LRP1B: variants seen among roughly 807,000 people sequenced by gnomAD.
LRP1B encodes the protein low-density lipoprotein receptor-related protein 1B.
In LRP1B, 217 loss-of-function variants were observed where a neutral mutation model predicts 556.6. The observed-to-expected ratio is 0.39, with a 90% CI of 0.35 to 0.44. The LOEUF is 0.44. Ranked by LOEUF, LRP1B falls within the 20% of genes least tolerant of loss-of-function variation. LRP1B has a pLI of 1.00. For missense variants in LRP1B, 5,053 were observed against 5,620.8 expected (o/e 0.90, Z 3.23); for synonymous variants, 2,047 against 1,865.8 (o/e 1.10, Z -2.50).
At chr2:140,439,425 T>G (rs1686329818) in intron 66 of LRP1B, among the ~76,000 whole-genome samples, 1 of 152,280 alleles carries the variant, frequency 6.6e-6, no homozygotes, top group East Asian at 1.9e-4. Context: ...AGTGATTTTA[T>G]ATGAACTATT....
At chr2:140,273,902 T>C (rs2104950603) in intron 85 of LRP1B, among the ~76,000 whole-genome samples, 1 of 152,138 alleles carries the variant, frequency 6.6e-6, no homozygotes, top group South Asian at 2.1e-4. Flanking sequence ...TTTGTTTTAC[T>C]TATTTCCCAG....
chr2:140,455,111 C>T (rs6730266), intron 62 of LRP1B, among the ~76,000 whole-genome samples: 19,899 of 152,104 alleles, frequency 0.13, 1,476 homozygotes, highest in African/African-American at 0.17. Context: ...TATTAAAAAA[C>T]GTGATTTCTC....
At chr2:141,411,706 A>C (rs1690858844) in intron 3 of LRP1B, among the ~76,000 whole-genome samples, 2 of 152,088 alleles carry the variant, frequency 1.3e-5, no homozygotes, top group Admixed American at 1.3e-4. Context: ...CTTTCATCTG[A>C]CTTCCTCTGA....
intron 2 of LRP1B, among the ~76,000 whole-genome samples, chr2:141,527,300 T>G (rs1264176701): frequency 6.6e-6 from 1 of 152,046 alleles, no homozygotes; most frequent in African/African-American, 2.4e-5. Context: ...CAAGGCAGGT[T>G]TTGTTATTTA....
At chr2:140,983,563 C>A (rs1360631874) in intron 17 of LRP1B, among the ~76,000 whole-genome samples, 1 of 152,040 alleles carries the variant, frequency 6.6e-6, no homozygotes, top group East Asian at 1.9e-4. Flanking sequence ...AAAATAATTT[C>A]TTAAAAGATA....
intron 7 of LRP1B, among the ~76,000 whole-genome samples, chr2:141,150,242 A>C (rs1457004607): frequency 6.6e-6 from 1 of 152,214 alleles, no homozygotes; most frequent in Non-Finnish European, 1.5e-5. Context: ...CACACTTGTC[A>C]GTGCTCTTAA....
Position 140,858,576 on chromosome 2 carries a change from CTTTCTT to C in LRP1B, c.4580-6799_4580-6794del, listed in dbSNP as rs1258872599. ...TAATTTATATGACAAGTAGTTAGAT[CTTTCTT>C]TTTCTTTTTAAGTTCCAGGGTACAT... On this transcript the variant is annotated intron_variant, in intron 27 of 90. Coordinates refer to ENST00000389484, the MANE Select transcript of LRP1B (RefSeq NM_018557.3). Among the ~76,000 whole-genome samples, 14 of 149,614 alleles carry C rather than the reference CTTTCTT, an allele frequency of 9.4e-5. 1 individual carries two copies. The highest frequency in any genetic ancestry group is 6.4e-4 in the South Asian group (3 of 4,698).
chr2:140,787,656 C>T (rs1689956328), intron 32 of LRP1B, among the ~76,000 whole-genome samples: 1 of 144,810 alleles, frequency 6.9e-6, no homozygotes, highest in Non-Finnish European at 1.5e-5. Flanking sequence ...CTGTAGCCTC[C>T]ACCTCCTGAG....
intron 1 of LRP1B, among the ~76,000 whole-genome samples, chr2:141,964,841 A>T (rs919173925): frequency 2.6e-4 from 40 of 151,774 alleles, no homozygotes; most frequent in Non-Finnish European, 4.6e-4. Flanking sequence ...TTTGCAACCT[A>T]CTCATCTGAC....
chr2:141,867,508 C>T (rs1343172269), intron 1 of LRP1B, among the ~76,000 whole-genome samples: 1 of 152,080 alleles, frequency 6.6e-6, no homozygotes, highest in African/African-American at 2.4e-5. Context: ...TGAGATCTTA[C>T]AAGTCCGAGA....
chr2:141,934,380 T>C (rs1486117952), intron 1 of LRP1B, among the ~76,000 whole-genome samples: 1 of 152,094 alleles, frequency 6.6e-6, no homozygotes, highest in Non-Finnish European at 1.5e-5. Context: ...TTATAATTGA[T>C]GAAAAACATA....
At chr2:140,570,206 A>G (rs1681273903) in intron 43 of LRP1B, among the ~76,000 whole-genome samples, 1 of 151,688 alleles carries the variant, frequency 6.6e-6, no homozygotes, top group Non-Finnish European at 1.5e-5. Context: ...AATGAAATTG[A>G]AAATAAAAAA....
At chr2:141,530,608 C>T (rs758923338) in intron 2 of LRP1B, among the ~76,000 whole-genome samples, 14 of 151,722 alleles carry the variant, frequency 9.2e-5, no homozygotes, top group African/African-American at 2.4e-4. Flanking sequence ...ATTCAGATAA[C>T]GCAAAGTGCA....
chr2:141,260,285 C>G (rs1434646761), intron 3 of LRP1B, among the ~76,000 whole-genome samples: 4 of 152,136 alleles, frequency 2.6e-5, no homozygotes, highest in Non-Finnish European at 5.9e-5. Flanking sequence ...TGCTACATAA[C>G]CATGGGCCAA....
intron 68 of LRP1B, among the ~76,000 whole-genome samples, chr2:140,377,966 A>T (rs1683307785): frequency 6.6e-6 from 1 of 152,202 alleles, no homozygotes; most frequent in African/African-American, 2.4e-5. Flanking sequence ...AGTTGAGGTA[A>T]AACAGACTAT....
intron 25 of LRP1B, among the ~76,000 whole-genome samples, chr2:140,875,040 A>C (rs1693263497): frequency 6.6e-6 from 1 of 151,438 alleles, no homozygotes; most frequent in Admixed American, 6.6e-5. Flanking sequence ...AAAAAAGGAC[A>C]CCAAGTCCTG....
At chr2:141,187,100 A>G (rs2105189231) in intron 7 of LRP1B, among the ~76,000 whole-genome samples, 1 of 152,182 alleles carries the variant, frequency 6.6e-6, no homozygotes, top group East Asian at 1.9e-4. Context: ...ATTCTTTCTT[A>G]CTGCCCTTAT....
intron 3 of LRP1B, among the ~76,000 whole-genome samples, chr2:141,265,784 A>G (rs1383346846): frequency 6.6e-6 from 1 of 152,154 alleles, no homozygotes; most frequent in Non-Finnish European, 1.5e-5. Flanking sequence ...TTTATGAATG[A>G]TGAGTAATTT....
At chr2:140,323,255 T>TATTTTCAAGAGAATTACCTTAATTACCTC (rs1334828299) in intron 81 of LRP1B, among the ~76,000 whole-genome samples, 2 of 152,058 alleles carry the variant, frequency 1.3e-5, no homozygotes, top group African/African-American at 4.8e-5. Context: ...GTTAGAAATA[T>TATTTTCAAGAGAATTACCTTAATTACCTC]ATTTTCAAGA....
Sources: gnomAD v4.1 joint callset for allele counts (sites outside exome capture counted in the v4.1 genomes callset) on GRCh38, gnomAD v4.1.1 for gene constraint, MANE v1.5 for transcripts, NCBI Gene and HGNC (gene_info 2026-07-23, HGNC 2026-07-21) for gene names.